GABRB1: variants seen among roughly 807,000 people sequenced by gnomAD.
GABRB1 encodes the protein gamma-aminobutyric acid type A receptor subunit beta1, also known as gamma-aminobutyric acid receptor subunit beta-1.
Under a neutral mutation model 51.6 loss-of-function variants are expected in GABRB1, and 17 were observed. The ratio of observed to expected loss-of-function variants is 0.33; its 90% CI spans 0.23 to 0.49. The LOEUF is 0.49. Among genes scored for constraint, GABRB1 ranks in the 20% least tolerant of loss-of-function variants. GABRB1 has a pLI of 0.99. For synonymous variants in GABRB1, 247 were observed against 218.9 expected, an observed-to-expected ratio of 1.13 and a Z score of -1.14; for missense variants, 410 against 600.6, an observed-to-expected ratio of 0.68 and a Z score of 3.32.
intron 4 of GABRB1, among the ~76,000 whole-genome samples, chr4:47,277,678 A>G (rs890046284): frequency 1.3e-5 from 2 of 152,000 alleles, no homozygotes; most frequent in African/African-American, 4.8e-5. Flanking sequence ...AATTTTAAAT[A>G]TAAAAAGTTG....
intron 4 of GABRB1, among the ~76,000 whole-genome samples, chr4:47,233,629 T>C (rs1463112425): frequency 1.3e-5 from 2 of 152,192 alleles, no homozygotes; most frequent in Non-Finnish European, 2.9e-5. Context: ...TATGTAAGTG[T>C]CAACTGACCA....
At chr4:47,092,141 TTTTCTTTCTTTC>T (rs201589290) in intron 3 of GABRB1, among the ~76,000 whole-genome samples, 4 of 99,498 alleles carry the variant, frequency 4.0e-5, no homozygotes, top group South Asian at 7.9e-4. Flanking sequence ...TTTCTTTTCT[TTTTCTTTCTTTC>T]TTTCTTTCTT....
intron 3 of GABRB1, among the ~76,000 whole-genome samples, chr4:47,099,477 A>G (rs1714628292): frequency 6.6e-6 from 1 of 152,142 alleles, no homozygotes. Flanking sequence ...AGATAAATAT[A>G]TCTGCCTAAT....
intron 4 of GABRB1, among the ~76,000 whole-genome samples, chr4:47,226,308 T>A (rs1324044518): frequency 6.6e-6 from 1 of 152,122 alleles, no homozygotes; most frequent in Non-Finnish European, 1.5e-5. Flanking sequence ...TAAAATAAGG[T>A]ATCAAGGAAT....
intron 1 of GABRB1, among the ~76,000 whole-genome samples, chr4:47,021,804 C>T (rs1724936594): frequency 6.6e-6 from 1 of 151,954 alleles, no homozygotes; most frequent in Non-Finnish European, 1.5e-5. Context: ...GTTACTTTTC[C>T]CATCTGCTCC....
chr4:47,070,338 C>CT lies in GABRB1; in HGVS notation c.240+37863dup, dbSNP rs958040040. Among the ~76,000 whole-genome samples, 60 of 148,702 alleles carry CT rather than the reference C, an allele frequency of 4.0e-4. 1 individual carries two copies. The East Asian group carries it at 8.5e-3, about 21-fold the overall frequency. Reference sequence around the variant, plus strand: ...GGCGTAAGCCACCGTGCCCAGCCTTCTTTTTTTTTGAGACAGAGTTTTCAC... The same window carrying CT: ...GGCGTAAGCCACCGTGCCCAGCCTTCTTTTTTTTTTGAGACAGAGTTTTCAC... On this transcript the variant is annotated intron_variant, in intron 3 of 8. Coordinates refer to ENST00000295454, the MANE Select transcript of GABRB1 (RefSeq NM_000812.4).
intron 1 of GABRB1, among the ~76,000 whole-genome samples, chr4:46,996,876 T>C (rs987657778): frequency 5.9e-5 from 9 of 152,184 alleles, no homozygotes; most frequent in African/African-American, 1.7e-4. Context: ...TCATTAATTC[T>C]TTCTGGTAAA....
At chr4:47,123,205 T>C (rs28407060) in intron 3 of GABRB1, among the ~76,000 whole-genome samples, 2 of 149,360 alleles carry the variant, frequency 1.3e-5, no homozygotes, top group Admixed American at 6.8e-5. Flanking sequence ...TTACAAAAGG[T>C]ACTATTCTGG....
chr4:47,196,379 G>T (rs1169587556), intron 4 of GABRB1, among the ~76,000 whole-genome samples: 1 of 152,140 alleles, frequency 6.6e-6, no homozygotes, highest in Non-Finnish European at 1.5e-5. Flanking sequence ...TAGTTGTCTT[G>T]CTGTTACTAG....
chr4:47,296,108 G>A (rs543206149), intron 4 of GABRB1, among the ~76,000 whole-genome samples: 77 of 152,174 alleles, frequency 5.1e-4, no homozygotes, highest in South Asian at 2.1e-3. Flanking sequence ...CCTGAAGGAA[G>A]CACTAAACAT....
intron 3 of GABRB1, among the ~76,000 whole-genome samples, chr4:47,071,756 G>T (rs935079569): frequency 6.7e-6 from 1 of 150,162 alleles, no homozygotes; most frequent in African/African-American, 2.5e-5. Context: ...GAACAGCACC[G>T]TGCATATGAA....
rs190491351 is a variant in GABRB1 at position 47,129,357 on chromosome 4, A to G, written c.241-31892A>G. Among the ~76,000 whole-genome samples the G allele has an allele frequency of 1.4e-4, 22 of 152,334 alleles. No homozygotes were observed. The East Asian group carries it at 4.0e-3, about 28-fold the overall frequency. On this transcript the variant is annotated intron_variant, in intron 3 of 8. Coordinates refer to ENST00000295454, the MANE Select transcript of GABRB1 (RefSeq NM_000812.4). ...GTAAATGTCCCCGCCTACAAATAAT[A>G]TAAACCAAATATCAAACATGCACTG...
intron 5 of GABRB1, among the ~76,000 whole-genome samples, chr4:47,329,277 A>C (rs1329437696): frequency 3.9e-5 from 6 of 152,134 alleles, no homozygotes; most frequent in Non-Finnish European, 7.4e-5. Context: ...TAGCAGATGA[A>C]ACTATGATCA....
intron 5 of GABRB1, among the ~76,000 whole-genome samples, chr4:47,393,398 T>C (rs114014399): frequency 0.011 from 1,727 of 152,230 alleles, 34 homozygotes; most frequent in African/African-American, 0.039. Context: ...GGCGTGTGTA[T>C]AGTGGAGTTT....
intron 3 of GABRB1, among the ~76,000 whole-genome samples, chr4:47,065,586 T>A (rs1056267849): frequency 6.6e-6 from 1 of 152,248 alleles, no homozygotes. Flanking sequence ...TGAATGGCAA[T>A]GTCTTGAAAT....
intron 3 of GABRB1, among the ~76,000 whole-genome samples, chr4:47,122,955 T>C (rs746635649): frequency 5.3e-5 from 8 of 152,264 alleles, no homozygotes; most frequent in Non-Finnish European, 1.2e-4. Context: ...ACGTATATAG[T>C]GTAAAAGCTT....
At chr4:47,206,434 TTGTAAC>T (rs1332254850) in intron 4 of GABRB1, among the ~76,000 whole-genome samples, 1 of 152,014 alleles carries the variant, frequency 6.6e-6, no homozygotes, top group Non-Finnish European at 1.5e-5. Context: ...TGTACATCTT[TTGTAAC>T]TGTGTCTCCG....
At chr4:47,369,853 C>G (rs1423380408) in intron 5 of GABRB1, among the ~76,000 whole-genome samples, 2 of 152,066 alleles carry the variant, frequency 1.3e-5, no homozygotes, top group East Asian at 3.8e-4. Flanking sequence ...AAAATGCATA[C>G]TTTTCATAAT....
Position 46,994,965 on chromosome 4 carries a change from C to T in GABRB1, c.-20+1039C>T, listed in dbSNP as rs145424568. Among the ~76,000 whole-genome samples the T allele has an allele frequency of 1.8e-3, 274 of 152,276 alleles. 1 individual carries two copies. The highest frequency in any genetic ancestry group is 6.5e-3 in the African/African-American group (270 of 41,548). On this transcript the variant is annotated intron_variant, in intron 1 of 3. Coordinates refer to the GABRB1 transcript ENST00000513567. ...TCTTTCTAAGGGAAAGCCCAAAGTGCTCATCGTGGGCAGTAGCTAGAGCTC... is the reference window on the plus strand; with the variant it reads ...TCTTTCTAAGGGAAAGCCCAAAGTGTTCATCGTGGGCAGTAGCTAGAGCTC...
Sources: allele counts gnomAD v4.1 joint callset (sites outside exome capture counted in the v4.1 genomes callset), GRCh38; gene constraint gnomAD v4.1.1; transcripts MANE v1.5; gene names NCBI Gene and HGNC (gene_info 2026-07-23, HGNC 2026-07-21).